SNURF: variants seen among roughly 807,000 people sequenced by gnomAD.
The protein encoded by SNURF is SNRPN upstream open reading frame, also known as SNURF protein.
In SNURF, 6 loss-of-function variants were observed where a neutral mutation model predicts 11.6. The observed-to-expected ratio is 0.52, with a 90% CI of 0.28 to 1.02. SNURF has a LOEUF of 1.02. SNURF is among the 50% of genes least tolerant of loss of function. SNURF has a pLI of 0.09. For missense variants in SNURF, 84 were observed against 88.4 expected, an observed-to-expected ratio of 0.95 and a Z score of 0.20; for synonymous variants, 29 against 31.6, an observed-to-expected ratio of 0.92 and a Z score of 0.27.
chr15:24,968,417 T>C (rs568468410), downstream of SNURF: 11 of 188,384 alleles, frequency 5.8e-5, no homozygotes, highest in East Asian at 1.7e-3. Flanking sequence ...TGTCATTTTT[T>C]TCTGCCAGTA....
At chr15:24,960,914 T>G (rs970414548) in intron 1 of SNURF, among the ~76,000 whole-genome samples, 2 of 152,202 alleles carry the variant, frequency 1.3e-5, no homozygotes, top group African/African-American at 4.8e-5. Context: ...AATGTGTCTG[T>G]CACCTGAAAA....
intron 1 of SNURF, among the ~76,000 whole-genome samples, chr15:24,955,816 G>A (rs1250100707): frequency 1.3e-5 from 2 of 151,096 alleles, no homozygotes; most frequent in Admixed American, 6.6e-5. Flanking sequence ...GTGGACTTTG[G>A]CGGCGGTAGG....
chr15:24,977,420 C>T (rs1427646633), intron 6 of SNURF, among the ~76,000 whole-genome samples: 1 of 152,160 alleles, frequency 6.6e-6, no homozygotes, highest in Non-Finnish European at 1.5e-5. Context: ...GGGCAGATCA[C>T]TTGAGGTCAG....
At chr15:24,961,275 A>G (rs939914394) in intron 1 of SNURF, among the ~76,000 whole-genome samples, 4 of 152,186 alleles carry the variant, frequency 2.6e-5, no homozygotes, top group African/African-American at 9.7e-5. Context: ...TTGGTAAGCT[A>G]TTTTACCAAT....
intron 2 of SNURF, among the ~76,000 whole-genome samples, chr15:24,964,591 C>A (rs1003115545): frequency 6.6e-6 from 1 of 152,172 alleles, no homozygotes; most frequent in Non-Finnish European, 1.5e-5. Context: ...AGCCACTGCG[C>A]CCAGCCTCTC....
At chr15:24,975,634 T>A in intron 4 of SNURF, 1 of 746,616 alleles carries the variant, frequency 1.3e-6, no homozygotes, top group South Asian at 1.7e-5. Flanking sequence ...AGCCAGTCTA[T>A]TGTTTAACCT....
intron 1 of SNURF, among the ~76,000 whole-genome samples, chr15:24,960,459 C>T (rs2074588969): frequency 6.6e-6 from 1 of 152,014 alleles, no homozygotes; most frequent in Non-Finnish European, 1.5e-5. Flanking sequence ...CTCACCTTAG[C>T]CTCCTGAGTA....
chr15:24,963,617 GA>G (rs796727910), intron 2 of SNURF, among the ~76,000 whole-genome samples: 145 of 131,330 alleles, frequency 1.1e-3, no homozygotes, highest in Admixed American at 1.2e-3. Context: ...TCCATCTCAG[GA>G]AAAAAAAAAA....
downstream of SNURF, among the ~76,000 whole-genome samples, chr15:24,972,618 A>G (rs896952018): frequency 5.4e-5 from 8 of 149,274 alleles, no homozygotes; most frequent in African/African-American, 2.0e-4. Context: ...ATCTCCGCTC[A>G]AAAAGATACT....
chr15:24,976,749 A>C (rs2077106060), intron 5 of SNURF: 1 of 826,110 alleles, frequency 1.2e-6, no homozygotes, highest in Non-Finnish European at 2.0e-6. Flanking sequence ...TTGTTTGTTC[A>C]TTTGGACACA....
downstream of SNURF, among the ~76,000 whole-genome samples, chr15:24,973,328 A>G (rs940046889): frequency 2.0e-5 from 3 of 152,190 alleles, no homozygotes; most frequent in African/African-American, 7.2e-5. Context: ...GTGTAAGTAC[A>G]CTGTTCATAC....
exon 6 of SNURF, chr15:24,976,987 A>G: frequency 6.2e-7 from 1 of 1,603,980 alleles, no homozygotes; most frequent in South Asian, 1.1e-5. Flanking sequence ...CCCCTGCTGG[A>G]TTGGCAGGCC....
At chr15:24,973,709 A>G (rs557457631), downstream of SNURF, among the ~76,000 whole-genome samples, 3 of 152,158 alleles carry the variant, frequency 2.0e-5, no homozygotes, top group African/African-American at 7.2e-5. Context: ...CGTTAACGTG[A>G]TTTATAACTT....
chr15:24,974,565 C>A, intron 3 of SNURF: 1 of 1,010,690 alleles, frequency 9.9e-7, no homozygotes, highest in Non-Finnish European at 1.6e-6. Context: ...AATAAGGATA[C>A]ATCCATGGAT....
Position 24,957,794 on chromosome 15 carries a change from C to A in SNURF, c.14+2732C>A, listed in dbSNP as rs567213832. On this transcript the variant is annotated intron_variant, in intron 1 of 2. Transcript: ENST00000577949. ...CACATACATATATTTCTTGGTTTAA[C>A]TTCTGGTCATTTGGCTATTTGCAAG... 2.6e-5 allele frequency among the ~76,000 whole-genome samples: 4 copies of A among 152,130 alleles called. No individual in the cohort carries two copies. The East Asian group carries it at 5.8e-4, about 22-fold the overall frequency.
intron 2 of SNURF, among the ~76,000 whole-genome samples, chr15:24,965,872 T>TA (rs1039565214): frequency 4.3e-4 from 50 of 115,198 alleles, no homozygotes; most frequent in African/African-American, 2.0e-3. Flanking sequence ...ATTATATATA[T>TA]TTTTTTTTAC....
chr15:24,978,020 C>T, downstream of SNURF: 1 of 1,254,918 alleles, frequency 8.0e-7, no homozygotes. Flanking sequence ...GAATATGCTT[C>T]CTTCTTCTAG....
chr15:24,978,572 A>G (rs143504129), downstream of SNURF: 1,774 of 874,402 alleles, frequency 2.0e-3, 6 homozygotes, highest in Non-Finnish European at 2.7e-3. Context: ...GCATAGAGCA[A>G]TTAAACTGTG....
downstream of SNURF, chr15:24,978,106 C>T (rs199717245): frequency 5.6e-5 from 78 of 1,392,044 alleles, no homozygotes; most frequent in Non-Finnish European, 7.3e-5. Flanking sequence ...TGTTGTCTGG[C>T]CCATTTCTTT....
Sources: allele counts gnomAD v4.1 joint callset (sites outside exome capture counted in the v4.1 genomes callset), GRCh38; gene constraint gnomAD v4.1.1; transcripts MANE v1.5; gene names NCBI Gene and HGNC (gene_info 2026-07-23, HGNC 2026-07-21).